The following ZNF469 variants were observed in gnomAD, a reference collection of about 807,000 sequenced individuals.
ZNF469 encodes the protein zinc finger protein 469.
In ZNF469, 1 loss-of-function variant was observed where a neutral mutation model predicts 1.0. That is an observed-to-expected ratio of 1.00 (90% CI 0.35 to 4.73). ZNF469 has a LOEUF of 4.73. ZNF469 is among the 30% of genes most tolerant of loss of function. The pLI, the probability that ZNF469 is intolerant of heterozygous loss-of-function variation, is 0.16. For synonymous variants in ZNF469, 2,703 were observed against 2,363.4 expected, an observed-to-expected ratio of 1.14 and a Z score of -4.17; for missense variants, 6,100 against 5,356.3, an observed-to-expected ratio of 1.14 and a Z score of -4.33.
At chr16:88,357,940 C>G in the ZNF469 span, among the ~76,000 whole-genome samples, 2 of 152,208 alleles carry the variant, frequency 1.3e-5, no homozygotes, top group Non-Finnish European at 2.9e-5. Context: ...CTTCCACACC[C>G]GCAGTACAGA....
chr16:88,243,952 A>ATAAAT, the ZNF469 span, among the ~76,000 whole-genome samples: 1 of 121,192 alleles, frequency 8.3e-6, no homozygotes, highest in East Asian at 2.6e-4. Flanking sequence ...ATATATATAT[A>ATAAAT]AATGTATGTG....
Position 88,436,524 on chromosome 16 carries a change from C to G in ZNF469, c.9054C>G (p.Pro3018=). ...DSSSSLGDVS[P]EPPSLERERC... is the part of the protein sequence containing the mutation. ...CCTCTTCTCTCGGAGATGTGAGCCC[C>G]GAGCCCCCCAGCCTGGAGAGAGAAC... The change falls in exon 3 of 3, where the codon CCC becomes CCG. Residue 3018 remains proline (P), a synonymous_variant. Transcript: ENST00000565624. The G allele has an allele frequency of 6.5e-7, 1 of 1,549,066 alleles. No homozygotes were observed. Among genetic ancestry groups the G allele is most frequent in the Non-Finnish European group, 8.7e-7 (1 of 1,146,940 alleles).
At chr16:88,214,510 T>C in the ZNF469 span, among the ~76,000 whole-genome samples, 3 of 152,290 alleles carry the variant, frequency 2.0e-5, no homozygotes, top group African/African-American at 7.2e-5. Flanking sequence ...TTTAGTTCTT[T>C]ATTTTATTAT....
At chr16:88,131,721 A>T in the ZNF469 span, among the ~76,000 whole-genome samples, 3,367 of 151,714 alleles carry the variant, frequency 0.022, no homozygotes, top group African/African-American at 0.078. Flanking sequence ...TGACCTGGCC[A>T]CACGGCGTCC....
At chr16:88,357,035 C>T in the ZNF469 span, among the ~76,000 whole-genome samples, 1 of 152,234 alleles carries the variant, frequency 6.6e-6, no homozygotes, top group South Asian at 2.1e-4. Flanking sequence ...GGTGCCCGGC[C>T]AGCCCCGGTT....
chr16:88,437,357 T>A lies in ZNF469; in HGVS notation c.9887T>A (p.Leu3296Gln). ...CCAGACAGCGCCTCTGCCACCGCCC[T>A]GGCTGACGCCGGCAGCCCGGGCCCC... is the stretch of plus-strand genomic sequence containing the variant. ...ATPDSASATA[L>Q]ADAGSPGPPR... The change falls in exon 3 of 3, where the codon CTG becomes CAG. Residue 3296 changes from leucine to glutamine, a missense_variant. Transcript: ENST00000565624. 6.5e-7 allele frequency: 1 copy of A among 1,542,176 alleles called. No individual in the cohort carries two copies. The highest frequency in any genetic ancestry group is 2.5e-5 in the East Asian group (1 of 40,446).
chr16:88,432,604 G>A lies in ZNF469; in HGVS notation c.5134G>A (p.Gly1712Arg). 2 of 1,550,454 alleles carry A rather than the reference G, an allele frequency of 1.3e-6. No individual in the cohort carries two copies. Among genetic ancestry groups the A allele is most frequent in the Non-Finnish European group, 1.7e-6 (2 of 1,146,998 alleles). The change falls in exon 3 of 3, where the codon GGA becomes AGA. Residue 1712 changes from glycine (G) to arginine (R), a missense_variant. Gly to Arg is a moderately radical substitution (Grantham distance 125). Transcript: ENST00000565624. ...ASKTGLCQAE[G>R]DSRPPQDVCL... ...CAAGACTGGACTTTGCCAGGCAGAA[G>A]GAGACAGCAGGCCCCCCCAAGATGT...
At chr16:88,350,734 G>A in the ZNF469 span, among the ~76,000 whole-genome samples, 1 of 152,260 alleles carries the variant, frequency 6.6e-6, no homozygotes, top group African/African-American at 2.4e-5. Flanking sequence ...TTGGCCAGAA[G>A]TAGATGTTGA....
chr16:88,415,943 C>T (rs116784779), intron 1 of ZNF469, among the ~76,000 whole-genome samples: 2 of 152,250 alleles, frequency 1.3e-5, no homozygotes, highest in Non-Finnish European at 2.9e-5. Flanking sequence ...CGCTTCCCAG[C>T]GCTGCAGAGC....
the ZNF469 span, among the ~76,000 whole-genome samples, chr16:88,270,185 T>A: frequency 6.6e-6 from 1 of 152,178 alleles, no homozygotes; most frequent in Non-Finnish European, 1.5e-5. Flanking sequence ...CAAGCCCATG[T>A]GGGTAGAGAG....
At chr16:88,168,234 A>G in the ZNF469 span, among the ~76,000 whole-genome samples, 1 of 152,238 alleles carries the variant, frequency 6.6e-6, no homozygotes, top group East Asian at 1.9e-4. This position sits in a 1 kb window ranked among gnomAD's most constrained non-coding sequence, Gnocchi z 4.3. Context: ...TCTGAAACTC[A>G]GAGTGTGGGT....
the ZNF469 span, among the ~76,000 whole-genome samples, chr16:88,101,852 T>G: frequency 3.3e-5 from 5 of 152,114 alleles, no homozygotes; most frequent in African/African-American, 1.2e-4. Context: ...TGAAACTCCT[T>G]TAGAAGGTTC....
chr16:88,311,098 G>A, the ZNF469 span, among the ~76,000 whole-genome samples: 6 of 152,302 alleles, frequency 3.9e-5, no homozygotes, highest in Middle Eastern at 3.4e-3. Context: ...GACCGCCTGG[G>A]CATTTTGTGG....
At chr16:88,299,868 C>G in the ZNF469 span, among the ~76,000 whole-genome samples, 1 of 152,190 alleles carries the variant, frequency 6.6e-6, no homozygotes, top group Non-Finnish European at 1.5e-5. Context: ...TGGAGTTTCC[C>G]TCTGAGGCCA....
At chr16:88,336,178 C>G in the ZNF469 span, among the ~76,000 whole-genome samples, 90 of 143,296 alleles carry the variant, frequency 6.3e-4, no homozygotes, top group African/African-American at 2.2e-3. Context: ...ACACCACACA[C>G]ATTCATCCTT....
the ZNF469 span, among the ~76,000 whole-genome samples, chr16:88,303,599 G>A: frequency 1.3e-4 from 20 of 152,304 alleles, no homozygotes; most frequent in Admixed American, 3.3e-4. Context: ...AAGCCCTCCC[G>A]AGGGCATGGG....
the ZNF469 span, among the ~76,000 whole-genome samples, chr16:88,325,309 A>G: frequency 6.6e-6 from 1 of 152,176 alleles, no homozygotes; most frequent in African/African-American, 2.4e-5. Context: ...GGGGGGCCGC[A>G]GGGGCTCAGA....
chr16:88,224,654 G>A, the ZNF469 span, among the ~76,000 whole-genome samples: 2 of 152,194 alleles, frequency 1.3e-5, no homozygotes. Flanking sequence ...ATCCAGGCTC[G>A]CAGGGTCGGA....
At chr16:88,226,634 A>G in the ZNF469 span, among the ~76,000 whole-genome samples, 5 of 151,794 alleles carry the variant, frequency 3.3e-5, no homozygotes, top group African/African-American at 1.2e-4. Context: ...AGCAGATGTC[A>G]CCCTCCAGAC....
Sources: allele counts gnomAD v4.1 joint callset (sites outside exome capture counted in the v4.1 genomes callset), GRCh38; gene constraint gnomAD v4.1.1; non-coding constraint Gnocchi (gnomAD v3.1); transcripts MANE v1.5; gene names NCBI Gene and HGNC (gene_info 2026-07-23, HGNC 2026-07-21).